The following RNF157 variants were observed in gnomAD, a reference collection of about 807,000 sequenced individuals.
The protein encoded by RNF157 is E3 ubiquitin ligase RNF157.
In RNF157, 55 loss-of-function variants were observed where a neutral mutation model predicts 88.3. That is an observed-to-expected ratio of 0.62 (90% CI 0.50 to 0.78). The LOEUF (loss-of-function observed/expected upper bound fraction) is 0.78, where lower values mean the gene tolerates loss of function less well. RNF157 is among the 30% of genes least tolerant of loss of function. The probability of loss-of-function intolerance (pLI) is 0.00; values close to 1 mark genes in which losing one functional copy is unlikely to be tolerated. For missense variants in RNF157, 788 were observed against 860.8 expected, an observed-to-expected ratio of 0.92 and a Z score of 1.06; for synonymous variants, 334 against 341.2, an observed-to-expected ratio of 0.98 and a Z score of 0.23.
intron 2 of RNF157, among the ~76,000 whole-genome samples, chr17:76,185,772 A>G (rs2069277296): frequency 6.6e-6 from 1 of 152,064 alleles, no homozygotes; most frequent in African/African-American, 2.4e-5. Flanking sequence ...CCCGGCCGAG[A>G]TTACTCCTTT....
chr17:76,228,202 T>C (rs1349511620), intron 1 of RNF157, among the ~76,000 whole-genome samples: 2 of 152,146 alleles, frequency 1.3e-5, no homozygotes, highest in Non-Finnish European at 2.9e-5. Context: ...TCTGGACCAG[T>C]ACAACACAGA....
Position 76,146,957 on chromosome 17 carries a change from A to G in RNF157, c.1922-1604T>C. 4.1e-6 allele frequency: 4 copies of G among 985,372 alleles called. No individual in the cohort carries two copies. The highest frequency in any genetic ancestry group is 4.7e-5 in the South Asian group (1 of 21,288). The allele number at this position is 985,372 out of a possible 1,614,324, so 61.0% of individuals were successfully genotyped here. A position where few individuals can be genotyped will look rare whatever the true frequency, so the allele number is the denominator to read the frequency against. ...AGGTATAAATGGCTTATTTCCATCA[A>G]TGCCTTGGTGTGCTAATCCACCTCA... On this transcript the variant is annotated intron_variant, in intron 18 of 18. Transcript: ENST00000269391. This position sits in a 1 kb window ranked among gnomAD's most constrained non-coding sequence, Gnocchi z 4.2.
At chr17:76,210,854 G>A (rs1598433146) in intron 2 of RNF157, among the ~76,000 whole-genome samples, 2 of 151,994 alleles carry the variant, frequency 1.3e-5, no homozygotes, top group African/African-American at 2.4e-5. Context: ...CCCTAGGCTG[G>A]AGCGCACTGG....
Position 76,195,986 on chromosome 17 carries a change from T to C in RNF157, c.207+16378A>G, listed in dbSNP as rs1477507598. 6.6e-6 allele frequency among the ~76,000 whole-genome samples: 1 copy of C among 152,200 alleles called. No individual in the cohort carries two copies. The highest frequency in any genetic ancestry group is 1.5e-5 in the Non-Finnish European group (1 of 68,028). On this transcript the variant is annotated intron_variant, in intron 2 of 18. Coordinates refer to ENST00000269391, the MANE Select transcript of RNF157 (RefSeq NM_052916.3). The surrounding 1 kb of genome is among the most constrained non-coding windows in gnomAD (Gnocchi z 4.4). Reference sequence around the variant, plus strand: ...TGACCCAATGACCCGGAAGGTACTATCCTTCTTGAAATTTCTTTATAATTT... The same window carrying C: ...TGACCCAATGACCCGGAAGGTACTACCCTTCTTGAAATTTCTTTATAATTT...
In RNF157 at chr17:76,167,105, G is replaced by C. The variant is rs780474329; in HGVS notation, c.465C>G (p.Ser155Arg). The C allele has an allele frequency of 6.2e-7, 1 of 1,612,480 alleles. No individual in the cohort carries two copies. The highest frequency in any genetic ancestry group is 1.1e-5 in the South Asian group (1 of 90,850). Residue 155 changes from serine (S) to arginine (R), a missense_variant, in exon 5 of 19, where the codon AGC becomes AGG. Coordinates refer to ENST00000269391, the MANE Select transcript of RNF157 (RefSeq NM_052916.3). Reference protein sequence around the residue: ...GIASYIPKDNSLQSETVQYKR... With the variant: ...GIASYIPKDNRLQSETVQYKR... The stretch of plus-strand genomic sequence containing the variant: ...TGTACTGCACAGTCTCCGACTGGAG[G>C]CTGTTGTCTTTGGGAATGTAGCTAT...
intron 2 of RNF157, among the ~76,000 whole-genome samples, chr17:76,191,602 A>G (rs1448094447): frequency 1.4e-4 from 11 of 75,864 alleles, no homozygotes; most frequent in African/African-American, 4.7e-4. Context: ...CTCCGCCTCA[A>G]AAAAAAAAAA....
At position 76,146,740 on chromosome 17, in the gene RNF157, G is replaced by C. The variant is rs2058077993; in HGVS notation, c.1922-1387C>G. 2.0e-6 allele frequency: 2 copies of C among 985,410 alleles called. No homozygotes were observed. Among genetic ancestry groups the C allele is most frequent in the African/African-American group, 1.7e-5 (1 of 57,372 alleles). 61.0% of individuals were successfully genotyped at this position (985,410 alleles called of 1,614,324 possible). Reference sequence around the variant, plus strand: ...TGGGACAAAGCTCCTCCTGGGCAGGGGCCGTGACTTCTTCACTGTTGCAGT... The same window carrying C: ...TGGGACAAAGCTCCTCCTGGGCAGGCGCCGTGACTTCTTCACTGTTGCAGT... On this transcript the variant is annotated intron_variant, in intron 18 of 18. Transcript: ENST00000269391. This position sits in a 1 kb window ranked among gnomAD's most constrained non-coding sequence, Gnocchi z 4.2.
rs527413119 is a variant in RNF157, at chr17:76,157,218, G to A, written c.1414-897C>T. 1.2e-4 allele frequency among the ~76,000 whole-genome samples: 18 copies of A among 152,284 alleles called. No individual in the cohort carries two copies. Among genetic ancestry groups the A allele is most frequent in the African/African-American group, 4.1e-4 (17 of 41,556 alleles). ...CCTGACCTCGTGATCCGCCCGCCTC[G>A]GCCTCCCAAAGTGCCGGGATTCCAG... On this transcript the variant is annotated intron_variant, in intron 13 of 18. Coordinates refer to ENST00000269391, the MANE Select transcript of RNF157 (RefSeq NM_052916.3). The surrounding 1 kb of genome is among the most constrained non-coding windows in gnomAD (Gnocchi z 5.6).
chr17:76,217,289 G>A (rs1769320504), intron 1 of RNF157, among the ~76,000 whole-genome samples: 1 of 152,068 alleles, frequency 6.6e-6, no homozygotes, highest in Admixed American at 6.6e-5. Flanking sequence ...GATTACAGGT[G>A]TGAGCCACCG....
At chr17:76,232,706 C>T (rs1327991985) in intron 1 of RNF157, among the ~76,000 whole-genome samples, 1 of 152,180 alleles carries the variant, frequency 6.6e-6, no homozygotes, top group African/African-American at 2.4e-5. Flanking sequence ...TTTACATTTC[C>T]CATAACACTT....
intron 2 of RNF157, among the ~76,000 whole-genome samples, chr17:76,194,942 G>C (rs1466191633): frequency 6.6e-6 from 1 of 152,160 alleles, no homozygotes; most frequent in African/African-American, 2.4e-5. Context: ...GTGAACCCGG[G>C]AGGTGGAGTT....
Position 76,146,205 on chromosome 17 carries a change from T to A in RNF157, c.1922-852A>T. 3.3e-6 allele frequency: 1 copy of A among 298,720 alleles called. No homozygotes were observed. Among genetic ancestry groups the A allele is most frequent in the Non-Finnish European group, 4.9e-6 (1 of 202,364 alleles). The allele number at this position is 298,720 out of a possible 1,614,324, so 18.5% of individuals were successfully genotyped here. A position where few individuals can be genotyped will look rare whatever the true frequency, so the allele number is the denominator to read the frequency against. ...GTAGTCACGCTAACCTGGGCTCCAC[T>A]CCCAGTTTACAGCAGTGTGACCTTG... On this transcript the variant is annotated intron_variant, in intron 18 of 18. Transcript: ENST00000269391. The surrounding 1 kb of genome is among the most constrained non-coding windows in gnomAD (Gnocchi z 4.2).
rs1471399447 is a variant in RNF157, at chr17:76,195,856, G to A, written c.207+16508C>T. On this transcript the variant is annotated intron_variant, in intron 2 of 18. Transcript: ENST00000269391. This position sits in a 1 kb window ranked among gnomAD's most constrained non-coding sequence, Gnocchi z 4.4. ...CTAAAACAGGGACTGGGCAGAAGCA[G>A]CTTTCCATAAGATAGCCCATACCTC... Among the ~76,000 whole-genome samples, 1 of 152,182 alleles carries A rather than the reference G, an allele frequency of 6.6e-6. No homozygotes were observed. Among genetic ancestry groups the A allele is most frequent in the African/African-American group, 2.4e-5 (1 of 41,444 alleles).
At chr17:76,212,110 G>A (rs563056598) in intron 2 of RNF157, 2 of 304,348 alleles carry the variant, frequency 6.6e-6, no homozygotes. Flanking sequence ...CTAAAGAGGT[G>A]ACAGGGAGAG....
intron 1 of RNF157, among the ~76,000 whole-genome samples, chr17:76,225,446 G>A (rs2070063931): frequency 6.6e-6 from 1 of 152,138 alleles, no homozygotes; most frequent in South Asian, 2.1e-4. Context: ...ACAATTGGGT[G>A]TGGCCTTCCA....
rs35782875 is a variant in RNF157, at chr17:76,220,957, C to CA, written c.89-8476dup. 3.5e-3 allele frequency among the ~76,000 whole-genome samples: 482 copies of CA among 138,268 alleles called. 4 individuals carry two copies. Among genetic ancestry groups the CA allele is most frequent in the East Asian group, 0.014 (67 of 4,734 alleles). 90.7% of individuals were successfully genotyped at this position (138,268 alleles called of 152,430 possible). ...TGGGCAATAAAGTGAGATGCTGTCT[C>CA]AAAAAAAAAAAAAAAATTAGCCGGC... On this transcript the variant is annotated intron_variant, in intron 1 of 18. Transcript: ENST00000269391.
At chr17:76,177,577 G>GAGGACGTGA (rs2069125030) in intron 2 of RNF157, among the ~76,000 whole-genome samples, 1 of 151,896 alleles carries the variant, frequency 6.6e-6, no homozygotes, top group Admixed American at 6.6e-5. Flanking sequence ...GGCCTTCAGG[G>GAGGACGTGA]AGGACGTGAA....
chr17:76,236,857 A>G (rs1299303246), intron 1 of RNF157, among the ~76,000 whole-genome samples: 1 of 152,126 alleles, frequency 6.6e-6, no homozygotes, highest in African/African-American at 2.4e-5. Flanking sequence ...CTCTGAAAGC[A>G]AACAGAGCAA....
At chr17:76,158,871 GA>G (rs1393237241) in intron 12 of RNF157, among the ~76,000 whole-genome samples, 1 of 152,086 alleles carries the variant, frequency 6.6e-6, no homozygotes, top group African/African-American at 2.4e-5. Flanking sequence ...CTAAACTTGG[GA>G]AAAACCACTG....
Sources: allele counts gnomAD v4.1 joint callset (sites outside exome capture counted in the v4.1 genomes callset), GRCh38; gene constraint gnomAD v4.1.1; non-coding constraint Gnocchi (gnomAD v3.1); transcripts MANE v1.5; gene names NCBI Gene and HGNC (gene_info 2026-07-23, HGNC 2026-07-21).